Variants in SDAD1 observed in about 807,000 individuals in gnomAD.
The protein encoded by SDAD1 is SDA1 domain containing 1, also known as protein SDA1 homolog.
A neutral mutation model predicts 100.3 loss-of-function variants in SDAD1; 79 were observed. The observed-to-expected ratio is 0.79, with a 90% CI of 0.66 to 0.95. The LOEUF is 0.95. Ranked by LOEUF, SDAD1 falls within the 40% of genes least tolerant of loss-of-function variation. The pLI, the probability that SDAD1 is intolerant of heterozygous loss-of-function variation, is 0.00. For missense variants in SDAD1, 790 were observed against 810.9 expected (o/e 0.97, Z 0.31); for synonymous variants, 267 against 271.4 (o/e 0.98, Z 0.16).
At chr4:75,958,029 G>T in intron 17 of SDAD1, 88 bp from the exon 18 acceptor site, 1 of 996,634 alleles carries the variant, frequency 1.0e-6, no homozygotes, top group South Asian at 1.3e-5. Flanking sequence ...GAAAAGTAAT[G>T]AACCTTGAAC....
chr4:75,971,221 T>G, intron 9 of SDAD1, 136 bp downstream of exon 9: 1 of 616,048 alleles, frequency 1.6e-6, no homozygotes. Context: ...AAAATATTAG[T>G]GCTTAAAAAT....
chr4:75,960,015 C>G, intron 17 of SDAD1, 51 bp downstream of exon 17: 3 of 1,565,948 alleles, frequency 1.9e-6, no homozygotes, highest in Non-Finnish European at 2.6e-6. Context: ...AAGGTCTGCA[C>G]AGATACTGCA....
In SDAD1 at chr4:75,957,953, A is replaced by T. The variant is rs1455106603; in HGVS notation, c.1484-12T>A. Reference sequence around the variant, plus strand: ...ACTTTCCCATCCATCTGCGTGAAAAAAGCAAACCCACTACTGCCATTTTAT... The same window carrying T: ...ACTTTCCCATCCATCTGCGTGAAAATAGCAAACCCACTACTGCCATTTTAT... On this transcript the variant is annotated splice_polypyrimidine_tract_variant and intron_variant, in intron 17 of 21. Transcript: ENST00000356260. 6.2e-7 allele frequency: 1 copy of T among 1,608,842 alleles called. No individual in the cohort carries two copies. The highest frequency in any genetic ancestry group is 8.5e-7 in the Non-Finnish European group (1 of 1,176,934).
chr4:75,955,657 G>A (rs527684962), intron 21 of SDAD1, among the ~76,000 whole-genome samples: 2 of 152,302 alleles, frequency 1.3e-5, no homozygotes, highest in South Asian at 2.1e-4. Flanking sequence ...GAGAATTTTA[G>A]CATGGGAAGG....
At chr4:75,953,866 T>C (rs1728742861) in intron 21 of SDAD1, among the ~76,000 whole-genome samples, 1 of 152,196 alleles carries the variant, frequency 6.6e-6, no homozygotes, top group Non-Finnish European at 1.5e-5. Flanking sequence ...ACTTGTTTTA[T>C]CACAATGAAT....
intron 14 of SDAD1, among the ~76,000 whole-genome samples, chr4:75,962,119 A>G (rs975871333): frequency 2.6e-5 from 4 of 152,074 alleles, no homozygotes; most frequent in South Asian, 2.1e-4. Flanking sequence ...TCATTGTTCA[A>G]TTCCCACCTG....
At chr4:75,986,884 G>A (rs1212556454) in intron 1 of SDAD1, among the ~76,000 whole-genome samples, 1 of 152,004 alleles carries the variant, frequency 6.6e-6, no homozygotes, top group Non-Finnish European at 1.5e-5. Context: ...GGGAATGGTG[G>A]TTGCACACTT....
chr4:75,959,942 G>A lies in SDAD1; in HGVS notation c.1483+124C>T, dbSNP rs1004735754. The stretch of plus-strand genomic sequence containing the variant: ...TGATCCCCCATACTTCTAACAGTGC[G>A]TGGCACATAGTCATTGCTCAATAAA... On this transcript the variant is annotated intron_variant, in intron 17 of 21. Coordinates refer to ENST00000356260, the MANE Select transcript of SDAD1 (RefSeq NM_018115.4). 45 of 1,002,914 alleles carry A rather than the reference G, an allele frequency of 4.5e-5. No homozygotes were observed. The Admixed American group carries it at 4.9e-4, about 11-fold the overall frequency. 62.1% of individuals were successfully genotyped at this position (1,002,914 alleles called of 1,614,324 possible). A position where few individuals can be genotyped will look rare whatever the true frequency, so the allele number is the denominator to read the frequency against.
chr4:75,951,418 A>G (rs1250266982), intron 21 of SDAD1, among the ~76,000 whole-genome samples: 2 of 152,192 alleles, frequency 1.3e-5, no homozygotes, highest in Non-Finnish European at 2.9e-5. Flanking sequence ...TAACTCAGAA[A>G]TTGAAGCCCT....
Position 75,955,981 on chromosome 4 carries a change from T to C in SDAD1, c.2010A>G (p.Glu670=). Residue 670 remains glutamate, a synonymous_variant, in exon 21 of 22, where the codon GAA becomes GAG. Coordinates refer to ENST00000356260, the MANE Select transcript of SDAD1 (RefSeq NM_018115.4). ...VRSKNKRSFR[E]KQLALRDALL... ...AGCTTCAAGTGGAACTCACCTGTTT[T>C]TCTCGGAAGGAACGCTTATTTTTTG... 1.9e-6 allele frequency: 3 copies of C among 1,595,448 alleles called. No individual in the cohort carries two copies. The highest frequency in any genetic ancestry group is 2.6e-6 in the Non-Finnish European group (3 of 1,175,486).
intron 14 of SDAD1, among the ~76,000 whole-genome samples, chr4:75,962,168 GA>G (rs1206854125): frequency 6.6e-6 from 1 of 152,128 alleles, no homozygotes; most frequent in African/African-American, 2.4e-5. Context: ...CTGTCCTTGC[GA>G]TAGTTTGCTA....
intron 17 of SDAD1, among the ~76,000 whole-genome samples, chr4:75,959,605 G>GA (rs35119762): frequency 3.8e-4 from 52 of 136,562 alleles, no homozygotes; most frequent in Middle Eastern, 3.5e-3. Context: ...CCAACGTGAG[G>GA]AAAAAAAAAA....
chr4:75,981,570 T>C, intron 2 of SDAD1, 100 bp from the exon 3 acceptor site: 2 of 1,565,778 alleles, frequency 1.3e-6, no homozygotes, highest in Non-Finnish European at 1.7e-6. Context: ...TAAAAGGCTA[T>C]GTTTCATAGA....
At chr4:75,963,276 G>GCTGTTTTGGTACCAGTACCATA in intron 14 of SDAD1, among the ~76,000 whole-genome samples, 1 of 151,954 alleles carries the variant, frequency 6.6e-6, no homozygotes, top group Non-Finnish European at 1.5e-5. Flanking sequence ...CCAGTACCAT[G>GCTGTTTTGGTACCAGTACCATA]CTGTTTTGGT....
chr4:75,990,275 C>A (rs1447535928), intron 1 of SDAD1, among the ~76,000 whole-genome samples: 11 of 21,492 alleles, frequency 5.1e-4, no homozygotes, highest in African/African-American at 1.1e-3. Context: ...GCTTGAGAAA[C>A]CCCCCCCCCC....
Position 75,955,959 on chromosome 4 carries a change from T to C in SDAD1, c.2016+16A>G. The C allele has an allele frequency of 6.3e-7, 1 of 1,584,364 alleles. No homozygotes were observed. The highest frequency in any genetic ancestry group is 1.2e-5 in the South Asian group (1 of 85,110). The stretch of plus-strand genomic sequence containing the variant: ...ACAGTGCTGTTCTTGCCACCCAAGC[T>C]TCAAGTGGAACTCACCTGTTTTTCT... On this transcript the variant is annotated intron_variant, in intron 21 of 21. Coordinates refer to ENST00000356260, the MANE Select transcript of SDAD1 (RefSeq NM_018115.4).
Position 75,975,961 on chromosome 4 carries a change from T to G in SDAD1, c.440A>C (p.Asn147Thr). 6.2e-7 allele frequency: 1 copy of G among 1,604,586 alleles called. No individual in the cohort carries two copies. Among genetic ancestry groups the G allele is most frequent in the South Asian group, 1.1e-5 (1 of 90,876 alleles). Residue 147 changes from asparagine (N) to threonine (T), a missense_variant, in exon 5 of 22, where the codon AAT (asparagine) becomes ACT (threonine). By Grantham distance (65) the Asn-to-Thr change is moderately conservative (BLOSUM62 0). Coordinates refer to ENST00000356260, the MANE Select transcript of SDAD1 (RefSeq NM_018115.4). ...ATTGTTCTTGTGTTTTGCATTTATA[T>G]TCTTGATATCAGTCACAATATGTGT... ...LYTHIVTDIK[N>T]INAKHKNNKV...
intron 17 of SDAD1, 99 bp downstream of exon 17, chr4:75,959,967 A>G: frequency 7.8e-7 from 1 of 1,283,932 alleles, no homozygotes; most frequent in Admixed American, 2.6e-5. Flanking sequence ...TGCTCAATAA[A>G]TATCTGCTGA....
At chr4:75,951,805 T>C (rs1381678363) in intron 21 of SDAD1, among the ~76,000 whole-genome samples, 2 of 152,252 alleles carry the variant, frequency 1.3e-5, no homozygotes. Flanking sequence ...AAGACCAATG[T>C]ATACATCTTA....
Sources: gnomAD v4.1 joint callset for allele counts (sites outside exome capture counted in the v4.1 genomes callset) on GRCh38, gnomAD v4.1.1 for gene constraint, MANE v1.5 for transcripts, NCBI Gene and HGNC (gene_info 2026-07-23, HGNC 2026-07-21) for gene names.